The following MROH7 variants were observed in gnomAD, a reference collection of about 807,000 sequenced individuals.
MROH7 encodes maestro heat like repeat family member 7.
A neutral mutation model predicts 129.2 loss-of-function variants in MROH7; 113 were observed. That is an observed-to-expected ratio of 0.87 (90% CI 0.75 to 1.02). MROH7 has a LOEUF of 1.02. Among genes scored for constraint, MROH7 ranks in the 50% least tolerant of loss-of-function variants. MROH7 has a pLI of 0.00. For missense variants in MROH7, 1,601 were observed against 1,671.3 expected (o/e 0.96, Z 0.73); for synonymous variants, 655 against 667.9 (o/e 0.98, Z 0.30).
At chr1:54,681,543 A>G (rs984013676) in intron 13 of MROH7, among the ~76,000 whole-genome samples, 1 of 152,240 alleles carries the variant, frequency 6.6e-6, no homozygotes, top group Non-Finnish European at 1.5e-5. Context: ...GCCTAGCAAC[A>G]TAGTTGACAT....
intron 13 of MROH7, among the ~76,000 whole-genome samples, chr1:54,681,570 A>G (rs1645069833): frequency 6.6e-6 from 1 of 152,242 alleles, no homozygotes; most frequent in South Asian, 2.1e-4. Flanking sequence ...TCAGGTTGCC[A>G]GGGGAACAGA....
intron 1 of MROH7, among the ~76,000 whole-genome samples, chr1:54,647,983 C>A (rs1029544319): frequency 1.3e-5 from 2 of 151,148 alleles, no homozygotes; most frequent in Non-Finnish European, 2.9e-5. Context: ...CCAGCTGTTC[C>A]ACTGCCATTT....
chr1:54,670,766 C>A, intron 6 of MROH7, 34 bp from the exon 7 acceptor site: 1 of 1,607,462 alleles, frequency 6.2e-7, no homozygotes, highest in South Asian at 1.1e-5. Flanking sequence ...GCCCCTCTCT[C>A]ACTCCATTTC....
chr1:54,669,052 G>A (rs1183870020), intron 5 of MROH7, 115 bp downstream of exon 5: 4 of 705,284 alleles, frequency 5.7e-6, no homozygotes, highest in East Asian at 2.7e-5. Flanking sequence ...AGGACGGGAT[G>A]AGGAGGCAGG....
intron 3 of MROH7, among the ~76,000 whole-genome samples, chr1:54,661,431 C>T (rs1655515): frequency 0.36 from 54,614 of 151,588 alleles, 9,984 homozygotes; most frequent in South Asian, 0.55. Flanking sequence ...AGGCTGGTTT[C>T]GAACTTCTGA....
intron 22 of MROH7, 47 bp from the exon 23 acceptor site, chr1:54,708,967 G>GGGGGGGGGGGGGGGCCC: frequency 7.5e-7 from 1 of 1,329,280 alleles, no homozygotes; most frequent in East Asian, 4.5e-5. Flanking sequence ...TTGGGGTGGG[G>GGGGGGGGGGGGGGGCCC]TCGACGTCGG....
At chr1:54,672,452 A>G (rs1190184648) in intron 7 of MROH7, among the ~76,000 whole-genome samples, 4 of 152,130 alleles carry the variant, frequency 2.6e-5, no homozygotes, top group African/African-American at 7.2e-5. Context: ...CCTCGTGTAC[A>G]TGTAATGCTG....
At position 54,706,586 on chromosome 1, in the gene MROH7, C is replaced by T. The variant is rs773277063; in HGVS notation, c.3667+49C>T. On this transcript the variant is annotated intron_variant, in intron 22 of 23. Transcript: ENST00000421030. Reference sequence around the variant, plus strand: ...TCCTGCTGCCAGGGCTCTGCCTGCTCTCCAGTTTGTTTCCTCCCAGGCTGC... The same window carrying T: ...TCCTGCTGCCAGGGCTCTGCCTGCTTTCCAGTTTGTTTCCTCCCAGGCTGC... 7.7e-6 allele frequency: 11 copies of T among 1,426,984 alleles called. No homozygotes were observed. The African/African-American group carries it at 1.1e-4, about 15-fold the overall frequency. The allele number at this position is 1,426,984 out of a possible 1,614,324, so 88.4% of individuals were successfully genotyped here.
At chr1:54,684,768 C>A (rs1301933434) in intron 14 of MROH7, among the ~76,000 whole-genome samples, 2 of 152,200 alleles carry the variant, frequency 1.3e-5, no homozygotes, top group Non-Finnish European at 2.9e-5. Flanking sequence ...CCCTCTCTAG[C>A]CTTGGTGCTT....
chr1:54,699,130 C>CTTTTCT (rs1158721724), intron 17 of MROH7: 1 of 95,230 alleles, frequency 1.1e-5, no homozygotes, highest in Admixed American at 1.0e-4. Flanking sequence ...TTCTTTCTTT[C>CTTTTCT]TTTCTTTCTT....
intron 21 of MROH7, among the ~76,000 whole-genome samples, chr1:54,704,208 G>A (rs1383886333): frequency 2.0e-5 from 3 of 152,104 alleles, no homozygotes; most frequent in Non-Finnish European, 2.9e-5. Flanking sequence ...CATTCCAGTG[G>A]GAAATAGAGG....
intron 13 of MROH7, among the ~76,000 whole-genome samples, chr1:54,680,995 TG>T (rs1476974458): frequency 2.0e-5 from 3 of 151,990 alleles, no homozygotes; most frequent in Admixed American, 2.0e-4. Context: ...ATAAGACTAC[TG>T]GGGGCCTCAT....
Position 54,683,382 on chromosome 1 carries a change from C to T in MROH7, c.2520+588C>T, listed in dbSNP as rs146382605. Among the ~76,000 whole-genome samples the T allele has an allele frequency of 5.3e-5, 8 of 152,262 alleles. No homozygotes were observed. In the South Asian group the frequency reaches 6.2e-4, roughly 12 times the overall value. On this transcript the variant is annotated intron_variant, in intron 14 of 23. Transcript: ENST00000421030. ...CAAGCTTGACCCTGGGAACACAGAGCGAAAGGCAGCTCTGACTCAGGAAGC... is the reference window on the plus strand; with the variant it reads ...CAAGCTTGACCCTGGGAACACAGAGTGAAAGGCAGCTCTGACTCAGGAAGC...
chr1:54,673,716 A>T lies in MROH7; in HGVS notation c.1711A>T (p.Met571Leu). Residue 571 changes from methionine to leucine, a missense_variant, in exon 9 of 24, where the codon ATG (methionine) becomes TTG (leucine). Coordinates refer to ENST00000421030, the MANE Select transcript of MROH7 (RefSeq NM_001039464.4). ...KSILEALGPWMNSGKAHERAR... is the reference protein window; with the variant it reads ...KSILEALGPWLNSGKAHERAR... Reference sequence around the variant, plus strand: ...GATCCCACAGGCCCTGGGGCCTTGGATGAACTCTGGGAAGGCCCATGAGCG... The same window carrying T: ...GATCCCACAGGCCCTGGGGCCTTGGTTGAACTCTGGGAAGGCCCATGAGCG... 1 of 1,613,834 alleles carries T rather than the reference A, an allele frequency of 6.2e-7. No individual in the cohort carries two copies. The highest frequency in any genetic ancestry group is 1.1e-5 in the South Asian group (1 of 91,072).
chr1:54,697,686 CT>C (rs1468451567), intron 17 of MROH7: 36 of 703,198 alleles, frequency 5.1e-5, no homozygotes, highest in Non-Finnish European at 8.8e-5. Flanking sequence ...GATACTCATG[CT>C]TAGGTGAGTT....
chr1:54,707,621 C>T (rs1645556701), intron 22 of MROH7, among the ~76,000 whole-genome samples: 1 of 152,156 alleles, frequency 6.6e-6, no homozygotes, highest in African/African-American at 2.4e-5. Flanking sequence ...GTGCTGATTT[C>T]TTTAAATCTT....
intron 20 of MROH7, 109 bp from the exon 21 acceptor site, chr1:54,702,514 C>T: frequency 9.1e-7 from 1 of 1,100,256 alleles, no homozygotes; most frequent in Non-Finnish European, 1.2e-6. Flanking sequence ...TAAAAATGGT[C>T]AGCTTCACTT....
In MROH7 at chr1:54,700,354, G is replaced by A. The variant is rs539984944; in HGVS notation, c.2998G>A (p.Glu1000Lys). 11 of 1,614,122 alleles carry A rather than the reference G, an allele frequency of 6.8e-6. No individual in the cohort carries two copies. The highest frequency in any genetic ancestry group is 2.2e-5 in the East Asian group (1 of 44,866). ...LQMEQVRRIPEEYSLGRMAEG... is the reference protein window; with the variant it reads ...LQMEQVRRIPKEYSLGRMAEG... The stretch of plus-strand genomic sequence containing the variant: ...GATGGAGCAGGTGCGCCGGATCCCC[G>A]AGGAATACTCTCTGGGGCGGATGGC... Residue 1000 changes from glutamate (E) to lysine (K), a missense_variant, in exon 18 of 24, where the codon GAG becomes AAG. Coordinates refer to ENST00000421030, the MANE Select transcript of MROH7 (RefSeq NM_001039464.4).
Position 54,702,238 on chromosome 1 carries a change from T to A in MROH7, c.3434T>A (p.Val1145Glu). 1.6e-5 allele frequency: 24 copies of A among 1,543,282 alleles called. No homozygotes were observed. The highest frequency in any genetic ancestry group is 2.1e-5 in the Non-Finnish European group (24 of 1,142,104). ...LLTMQEGNSK[V>E]SQKCVKTLLR... ...ACCATGCAGGAGGGCAACTCCAAGG[T>A]AAGCCAGGTGAGTGTGCGTGGGCCC... Residue 1145 changes from valine (V) to glutamate (E), a missense_variant, in exon 20 of 24, where the codon GTA becomes GAA. Transcript: ENST00000421030.
Sources: gnomAD v4.1 joint callset for allele counts (sites outside exome capture counted in the v4.1 genomes callset) on GRCh38, gnomAD v4.1.1 for gene constraint, MANE v1.5 for transcripts, NCBI Gene and HGNC (gene_info 2026-07-23, HGNC 2026-07-21) for gene names.